FZD7: variants seen among roughly 807,000 people sequenced by gnomAD.
FZD7 encodes the protein frizzled class receptor 7.
A neutral mutation model predicts 39.0 loss-of-function variants in FZD7; 21 were observed. The observed-to-expected ratio is 0.54, with a 90% CI of 0.38 to 0.78. The LOEUF (loss-of-function observed/expected upper bound fraction) is 0.78, where lower values mean the gene tolerates loss of function less well. Among genes scored for constraint, FZD7 ranks in the 30% least tolerant of loss-of-function variants. The pLI is 0.00. For missense variants in FZD7, 695 were observed against 805.0 expected, an observed-to-expected ratio of 0.86 and a Z score of 1.65; for synonymous variants, 428 against 364.9, an observed-to-expected ratio of 1.17 and a Z score of -1.97.
At position 202,035,920 on chromosome 2, in the gene FZD7, G is replaced by A; in HGVS notation, c.1273G>A (p.Val425Met). 6.2e-7 allele frequency: 1 copy of A among 1,614,094 alleles called. No individual in the cohort carries two copies. Among genetic ancestry groups the A allele is most frequent in the Admixed American group, 1.7e-5 (1 of 60,036 alleles). The change falls in exon 1 of 1, where the codon GTG (valine) becomes ATG (methionine). Residue 425 changes from valine to methionine, a missense_variant. Transcript: ENST00000286201. ...LSSVDALRGF[V>M]LAPLFVYLFI... The stretch of plus-strand genomic sequence containing the variant: ...CAGTGTGGACGCGCTGCGGGGCTTC[G>A]TGCTGGCGCCTCTGTTCGTCTACCT...
At position 202,035,404 on chromosome 2, in the gene FZD7, G is replaced by T. The variant is rs1208459790; in HGVS notation, c.757G>T (p.Ala253Ser). The T allele has an allele frequency of 6.2e-7, 1 of 1,612,936 alleles. No homozygotes were observed. The highest frequency in any genetic ancestry group is 1.3e-5 in the African/African-American group (1 of 74,928). Reference sequence around the variant, plus strand: ...CTTTAAGGAGGAGGAGAGGCGCTTCGCCCGCCTCTGGGTGGGCGTGTGGTC... The same window carrying T: ...CTTTAAGGAGGAGGAGAGGCGCTTCTCCCGCCTCTGGGTGGGCGTGTGGTC... ...MYFKEEERRF[A>S]RLWVGVWSVL... Residue 253 changes from alanine (A) to serine (S), a missense_variant, in exon 1 of 1, where the codon GCC becomes TCC. Physicochemically the swap from Ala to Ser is moderately conservative, Grantham distance 99 (BLOSUM62 1). Transcript: ENST00000286201.
rs1688687639 is a variant in FZD7 at position 202,033,977 on chromosome 2, C to G, written c.-671C>G. On this transcript the variant is annotated 5_prime_UTR_variant, in exon 1 of 1. Coordinates refer to ENST00000286201, the MANE Select transcript of FZD7 (RefSeq NM_003507.2). ...CCAGGCCGCGGGCACGAGCGCCTCG[C>G]GGTTTCGGACGCAGTGTGACTGGGT... Among the ~76,000 whole-genome samples the G allele has an allele frequency of 6.6e-6, 1 of 151,264 alleles. No individual in the cohort carries two copies. Among genetic ancestry groups the G allele is most frequent in the African/African-American group, 2.4e-5 (1 of 41,186 alleles).
At position 202,035,184 on chromosome 2, in the gene FZD7, C is replaced by T. The variant is rs780268659; in HGVS notation, c.537C>T (p.Tyr179=). Residue 179 remains tyrosine (Y), a synonymous_variant, in exon 1 of 1, where the codon TAC becomes TAT. Transcript: ENST00000286201. ...SGGPGGGPTA[Y]PTAPYLPDLP... ...GCCCAGGCGGCGGCCCCACTGCCTA[C>T]CCTACCGCGCCCTACCTGCCGGACC... The T allele has an allele frequency of 2.5e-6, 4 of 1,599,946 alleles. No homozygotes were observed. The highest frequency in any genetic ancestry group is 2.2e-5 in the South Asian group (2 of 90,920).
rs140084102 is a variant in FZD7, at chr2:202,034,761, G to A, written c.114G>A (p.Glu38=). ...CCGGGGCGCAGCCGTACCACGGAGA[G>A]AAGGGCATCTCCGTGCCGGACCACG... ...AGAGAQPYHG[E]KGISVPDHGF... Residue 38 remains glutamate (E), a synonymous_variant, in exon 1 of 1, where the codon GAG becomes GAA. Transcript: ENST00000286201. 5 of 1,612,602 alleles carry A rather than the reference G, an allele frequency of 3.1e-6. No individual in the cohort carries two copies. Among genetic ancestry groups the A allele is most frequent in the Non-Finnish European group, 4.2e-6 (5 of 1,179,946 alleles).
rs199500301 is a variant in FZD7 at position 202,034,647 on chromosome 2, G to A, written c.-1G>A. 5.8e-6 allele frequency: 9 copies of A among 1,547,586 alleles called. No individual in the cohort carries two copies. The highest frequency in any genetic ancestry group is 7.8e-6 in the Non-Finnish European group (9 of 1,158,526). ...GAGCACCGCTGCACTCGCGGCCGGC[G>A]ATGCGGGACCCCGGCGCGGCCGCTC... is the stretch of plus-strand genomic sequence containing the variant. On this transcript the variant is annotated 5_prime_UTR_variant, in exon 1 of 1. Transcript: ENST00000286201.
rs1688746660 is a variant in FZD7 at position 202,036,511 on chromosome 2, TC to T, written c.*140del. ...GAGAAGTGACCTGGAAGTGAGAAGT[TC>T]TTTGCAGATTTGGGGCGAGGGGTGA... On this transcript the variant is annotated 3_prime_UTR_variant, in exon 1 of 1. Coordinates refer to ENST00000286201, the MANE Select transcript of FZD7 (RefSeq NM_003507.2). 1.4e-6 allele frequency: 1 copy of T among 706,372 alleles called. No homozygotes were observed. The highest frequency in any genetic ancestry group is 3.0e-5 in the Admixed American group (1 of 33,840). The allele number at this position is 706,372 out of a possible 1,614,324, so 43.8% of individuals were successfully genotyped here.
rs1470086372 is a variant in FZD7 at position 202,034,011 on chromosome 2, A to C, written c.-637A>C. Among the ~76,000 whole-genome samples the C allele has an allele frequency of 6.6e-6, 1 of 151,826 alleles. No homozygotes were observed. Among genetic ancestry groups the C allele is most frequent in the Non-Finnish European group, 1.5e-5 (1 of 67,924 alleles). On this transcript the variant is annotated 5_prime_UTR_variant, in exon 1 of 1. Coordinates refer to ENST00000286201, the MANE Select transcript of FZD7 (RefSeq NM_003507.2). ...ACGCAGTGTGACTGGGTTTCCAAAA[A>C]GAACTCGCCGTGCTCCCGACTCCGG...
chr2:202,035,474 T>G lies in FZD7; in HGVS notation c.827T>G (p.Leu276Arg). The G allele has an allele frequency of 2.5e-6, 4 of 1,614,144 alleles. No homozygotes were observed. The African/African-American group carries it at 5.3e-5, about 22-fold the overall frequency. ...ACGCTCTTTACCGTTCTCACCTACC[T>G]GGTGGACATGCGGCGCTTCAGCTAC... ...ASTLFTVLTY[L>R]VDMRRFSYPE... Residue 276 changes from leucine to arginine, a missense_variant, in exon 1 of 1, where the codon CTG becomes CGG. Physicochemically the swap from Leu to Arg is moderately radical, Grantham distance 102 (BLOSUM62 -2). Coordinates refer to ENST00000286201, the MANE Select transcript of FZD7 (RefSeq NM_003507.2).
rs769617465 is a variant in FZD7, at chr2:202,035,265, C to G, written c.618C>G (p.Phe206Leu). 19 of 1,604,136 alleles carry G rather than the reference C, an allele frequency of 1.2e-5. No individual in the cohort carries two copies. Among genetic ancestry groups the G allele is most frequent in the Non-Finnish European group, 1.6e-5 (19 of 1,179,132 alleles). Residue 206 changes from phenylalanine to leucine, a missense_variant, in exon 1 of 1, where the codon TTC becomes TTG. Phe to Leu is a conservative substitution (Grantham distance 22). Coordinates refer to ENST00000286201, the MANE Select transcript of FZD7 (RefSeq NM_003507.2). ...CAGATGGCAGGGGGCGTCCCGCCTT[C>G]CCCTTCTCATGCCCCCGTCAGCTCA... Reference protein sequence around the residue: ...GASDGRGRPAFPFSCPRQLKV... With the variant: ...GASDGRGRPALPFSCPRQLKV...
Position 202,034,767 on chromosome 2 carries a change from C to T in FZD7, c.120C>T (p.Gly40=). The change falls in exon 1 of 1, where the codon GGC becomes GGT. Residue 40 remains glycine (G), a synonymous_variant. Coordinates refer to ENST00000286201, the MANE Select transcript of FZD7 (RefSeq NM_003507.2). ...CGCAGCCGTACCACGGAGAGAAGGGCATCTCCGTGCCGGACCACGGCTTCT... is the reference window on the plus strand; with the variant it reads ...CGCAGCCGTACCACGGAGAGAAGGGTATCTCCGTGCCGGACCACGGCTTCT... ...AGAQPYHGEK[G]ISVPDHGFCQ... 6.2e-7 allele frequency: 1 copy of T among 1,612,650 alleles called. No individual in the cohort carries two copies. The highest frequency in any genetic ancestry group is 8.5e-7 in the Non-Finnish European group (1 of 1,179,950).
rs752131418 is a variant in FZD7 at position 202,035,359 on chromosome 2, C to T, written c.712C>T (p.Arg238Cys). 7 of 1,612,784 alleles carry T rather than the reference C, an allele frequency of 4.3e-6. No homozygotes were observed. The highest frequency in any genetic ancestry group is 3.3e-5 in the Admixed American group (2 of 60,016). ...TTGTGGCGCCCCGTGCGAACCGGGCCGTGCCAACGGCCTGATGTACTTTAA... is the reference window on the plus strand; with the variant it reads ...TTGTGGCGCCCCGTGCGAACCGGGCTGTGCCAACGGCCTGATGTACTTTAA... ...RDCGAPCEPG[R>C]ANGLMYFKEE... Residue 238 changes from arginine to cysteine, a missense_variant, in exon 1 of 1, where the codon CGT (arginine) becomes TGT (cysteine). Transcript: ENST00000286201.
In FZD7 at chr2:202,036,197, C is replaced by T. The variant is rs1213783275; in HGVS notation, c.1550C>T (p.Pro517Leu). 1.9e-6 allele frequency: 3 copies of T among 1,613,498 alleles called. No homozygotes were observed. Among genetic ancestry groups the T allele is most frequent in the South Asian group, 1.1e-5 (1 of 91,078 alleles). The change falls in exon 1 of 1, where the codon CCC (proline) becomes CTC (leucine). Residue 517 changes from proline (P) to leucine (L), a missense_variant. Transcript: ENST00000286201. Reference sequence around the variant, plus strand: ...AAGAGCTATGCCGTGCCCTGCCCGCCCGGCCACTTCCCGCCCATGAGCCCC... The same window carrying T: ...AAGAGCTATGCCGTGCCCTGCCCGCTCGGCCACTTCCCGCCCATGAGCCCC... ...TCKSYAVPCP[P>L]GHFPPMSPDF... is the part of the protein sequence containing the mutation.
In FZD7 at chr2:202,035,201, T is replaced by C. The variant is rs758658014; in HGVS notation, c.554T>C (p.Leu185Pro). 6.3e-7 allele frequency: 1 copy of C among 1,599,976 alleles called. No homozygotes were observed. Among genetic ancestry groups the C allele is most frequent in the Non-Finnish European group, 8.5e-7 (1 of 1,179,208 alleles). ...ACTGCCTACCCTACCGCGCCCTACC[T>C]GCCGGACCTGCCCTTCACCGCGCTG... The part of the protein sequence containing the change: ...GPTAYPTAPY[L>P]PDLPFTALPP... The change falls in exon 1 of 1, where the codon CTG becomes CCG. Residue 185 changes from leucine to proline, a missense_variant. Transcript: ENST00000286201.
In FZD7 at chr2:202,036,378, G is replaced by C. The variant is rs750086736; in HGVS notation, c.*6G>C. 1 of 1,597,818 alleles carries C rather than the reference G, an allele frequency of 6.3e-7. No homozygotes were observed. The highest frequency in any genetic ancestry group is 1.3e-5 in the African/African-American group (1 of 74,682). On this transcript the variant is annotated 3_prime_UTR_variant, in exon 1 of 1. Transcript: ENST00000286201. ...AGGGGGAGACTGCGGTATGAGCCCC[G>C]GCCCCTCCCCACCTTTCCCACCCCA...
At position 202,035,400 on chromosome 2, in the gene FZD7, C is replaced by T. The variant is rs777668237; in HGVS notation, c.753C>T (p.Arg251=). ...GLMYFKEEER[R]FARLWVGVWS... ...TGTACTTTAAGGAGGAGGAGAGGCG[C>T]TTCGCCCGCCTCTGGGTGGGCGTGT... The change falls in exon 1 of 1, where the codon CGC becomes CGT. Residue 251 remains arginine, a synonymous_variant. Coordinates refer to ENST00000286201, the MANE Select transcript of FZD7 (RefSeq NM_003507.2). 2 of 1,613,528 alleles carry T rather than the reference C, an allele frequency of 1.2e-6. No homozygotes were observed. Among genetic ancestry groups the T allele is most frequent in the African/African-American group, 2.7e-5 (2 of 75,060 alleles).
In FZD7 at chr2:202,035,760, C is replaced by T. The variant is rs568883247; in HGVS notation, c.1113C>T (p.His371=). 6.2e-7 allele frequency: 1 copy of T among 1,614,070 alleles called. No individual in the cohort carries two copies. Among genetic ancestry groups the T allele is most frequent in the South Asian group, 1.1e-5 (1 of 91,072 alleles). Residue 371 remains histidine (H), a synonymous_variant, in exon 1 of 1, where the codon CAC becomes CAT. Coordinates refer to ENST00000286201, the MANE Select transcript of FZD7 (RefSeq NM_003507.2). ...WFLAAGMKWG[H]EAIEANSQYF... Reference sequence around the variant, plus strand: ...TGGCGGCCGGCATGAAGTGGGGCCACGAGGCCATCGAGGCCAACTCGCAGT... The same window carrying T: ...TGGCGGCCGGCATGAAGTGGGGCCATGAGGCCATCGAGGCCAACTCGCAGT...
rs1481237748 is a variant in FZD7, at chr2:202,038,053, A to G, written c.*1681A>G. ...ATCTTGCAACACTATCCTGTTTCTC[A>G]GAACAGTTTTTAAATGCCAATCATA... is the stretch of plus-strand genomic sequence containing the variant. On this transcript the variant is annotated 3_prime_UTR_variant, in exon 1 of 1. Coordinates refer to ENST00000286201, the MANE Select transcript of FZD7 (RefSeq NM_003507.2). 1 of 167,108 alleles carries G rather than the reference A, an allele frequency of 6.0e-6. No individual in the cohort carries two copies. The highest frequency in any genetic ancestry group is 1.9e-4 in the East Asian group (1 of 5,208). 10.4% of individuals were successfully genotyped at this position (167,108 alleles called of 1,614,324 possible).
Position 202,034,941 on chromosome 2 carries a change from C to T in FZD7, c.294C>T (p.Leu98=). 6.2e-7 allele frequency: 1 copy of T among 1,614,198 alleles called. No individual in the cohort carries two copies. Among genetic ancestry groups the T allele is most frequent in the Non-Finnish European group, 8.5e-7 (1 of 1,180,026 alleles). ...PLVKVQCSPE[L]RFFLCSMYAP... ...TGAAGGTGCAGTGTTCTCCCGAACTCCGCTTTTTCTTATGCTCCATGTATG... is the reference window on the plus strand; with the variant it reads ...TGAAGGTGCAGTGTTCTCCCGAACTTCGCTTTTTCTTATGCTCCATGTATG... Residue 98 remains leucine (L), a synonymous_variant, in exon 1 of 1, where the codon CTC becomes CTT. Coordinates refer to ENST00000286201, the MANE Select transcript of FZD7 (RefSeq NM_003507.2).
chr2:202,034,613 T>G lies in FZD7; in HGVS notation c.-35T>G, dbSNP rs1559184004. On this transcript the variant is annotated 5_prime_UTR_variant, in exon 1 of 1. Transcript: ENST00000286201. ...TCTCCCAACCGCCTCGTCGCACTCC[T>G]CAGGCTGAGAGCACCGCTGCACTCG... is the stretch of plus-strand genomic sequence containing the variant. 5 of 1,514,554 alleles carry G rather than the reference T, an allele frequency of 3.3e-6. No individual in the cohort carries two copies. In the African/African-American group the frequency reaches 4.2e-5, roughly 13 times the overall value. The allele number at this position is 1,514,554 out of a possible 1,614,324, so 93.8% of individuals were successfully genotyped here. A position where few individuals can be genotyped will look rare whatever the true frequency, so the allele number is the denominator to read the frequency against.
Sources: gnomAD v4.1 joint callset for allele counts (sites outside exome capture counted in the v4.1 genomes callset) on GRCh38, gnomAD v4.1.1 for gene constraint, MANE v1.5 for transcripts, NCBI Gene and HGNC (gene_info 2026-07-23, HGNC 2026-07-21) for gene names.